Variants in NME8 observed in about 807,000 individuals in gnomAD.
The protein encoded by NME8 is protein NME8.
A neutral mutation model predicts 82.3 loss-of-function variants in NME8; 72 were observed. That is an observed-to-expected ratio of 0.87 (90% CI 0.72 to 1.06). NME8 has a LOEUF of 1.06. NME8 is among the 50% of genes least tolerant of loss of function. NME8 has a pLI of 0.00. For missense variants in NME8, 712 were observed against 685.4 expected, an observed-to-expected ratio of 1.04 and a Z score of -0.43; for synonymous variants, 267 against 228.5, an observed-to-expected ratio of 1.17 and a Z score of -1.52.
intron 12 of NME8, among the ~76,000 whole-genome samples, chr7:37,883,077 G>C (rs1405560050): frequency 6.6e-6 from 1 of 152,012 alleles, no homozygotes; most frequent in African/African-American, 2.4e-5. Flanking sequence ...GCAATCTCCA[G>C]GATTCTCAAG....
At chr7:37,871,378 A>G (rs1436107426) in intron 11 of NME8, among the ~76,000 whole-genome samples, 1 of 152,142 alleles carries the variant, frequency 6.6e-6, no homozygotes, top group Non-Finnish European at 1.5e-5. Flanking sequence ...TTTTTATTAC[A>G]TTATTTACAT....
At chr7:37,897,377 C>T (rs896524991) in intron 17 of NME8, among the ~76,000 whole-genome samples, 3 of 152,190 alleles carry the variant, frequency 2.0e-5, no homozygotes, top group African/African-American at 4.8e-5. Flanking sequence ...GGGCAAGCAA[C>T]GCACCCATTG....
In NME8 at chr7:37,888,313, C is replaced by T. The variant is rs1352134618; in HGVS notation, c.1284C>T (p.Val428=). ...CAQFAMDSLP[V]NQLYGSDSLE... is the part of the protein sequence containing the mutation. ...AGTTTGCGATGGACAGTTTGCCGGT[C>T]AACCAGTTGTATGGCAGCGATTCAT... is the stretch of plus-strand genomic sequence containing the variant. The change falls in exon 15 of 18, where the codon GTC becomes GTT. Residue 428 remains valine (V), a synonymous_variant. Coordinates refer to ENST00000199447, the MANE Select transcript of NME8 (RefSeq NM_016616.5). 6.2e-7 allele frequency: 1 copy of T among 1,613,526 alleles called. No homozygotes were observed. The highest frequency in any genetic ancestry group is 8.5e-7 in the Non-Finnish European group (1 of 1,179,722).
chr7:37,895,308 A>C (rs1227503448), intron 16 of NME8, among the ~76,000 whole-genome samples: 2 of 152,176 alleles, frequency 1.3e-5, no homozygotes, highest in Non-Finnish European at 2.9e-5. Flanking sequence ...ATTACAGGCT[A>C]ACATTTATTG....
At chr7:37,850,588 T>C in intron 4 of NME8, 41 bp from the exon 5 acceptor site, 5 of 1,538,036 alleles carry the variant, frequency 3.3e-6, no homozygotes, top group Non-Finnish European at 4.5e-6. Flanking sequence ...CTATCCTAGA[T>C]TGGTAGACTT....
intron 11 of NME8, among the ~76,000 whole-genome samples, chr7:37,873,683 T>C (rs1784805915): frequency 6.6e-6 from 1 of 152,198 alleles, no homozygotes; most frequent in South Asian, 2.1e-4. Context: ...ATTGCAATAA[T>C]GCCAATAGCT....
chr7:37,889,242 C>A (rs1286972787), intron 15 of NME8, among the ~76,000 whole-genome samples: 1 of 151,520 alleles, frequency 6.6e-6, no homozygotes, highest in Non-Finnish European at 1.5e-5. Context: ...ATTATATTTC[C>A]TCCATTTCAG....
chr7:37,889,664 T>A (rs947532657), intron 15 of NME8, among the ~76,000 whole-genome samples: 3 of 151,678 alleles, frequency 2.0e-5, no homozygotes, highest in African/African-American at 7.2e-5. Flanking sequence ...AGAGATTTTT[T>A]AAAATTCTGG....
intron 5 of NME8, among the ~76,000 whole-genome samples, chr7:37,851,495 T>C (rs1051991862): frequency 4.7e-4 from 69 of 146,394 alleles, no homozygotes; most frequent in African/African-American, 1.7e-3. Context: ...ACATTTAGCA[T>C]ATGAATTAAG....
intron 12 of NME8, among the ~76,000 whole-genome samples, chr7:37,877,240 T>C (rs1784869486): frequency 1.3e-5 from 2 of 152,198 alleles, no homozygotes; most frequent in Non-Finnish European, 2.9e-5. Context: ...GATTTTAACA[T>C]TGCAGGAATT....
intron 5 of NME8, among the ~76,000 whole-genome samples, chr7:37,855,018 G>A (rs977766060): frequency 1.3e-5 from 2 of 152,086 alleles, no homozygotes; most frequent in Non-Finnish European, 2.9e-5. Flanking sequence ...TTCTATCAGG[G>A]TTCTCTTCCA....
intron 15 of NME8, among the ~76,000 whole-genome samples, chr7:37,889,026 T>C (rs2131971082): frequency 6.6e-6 from 1 of 152,126 alleles, no homozygotes; most frequent in South Asian, 2.1e-4. Flanking sequence ...GATTGGTATT[T>C]GGAGGTTTGG....
chr7:37,865,223 A>G (rs2131949989), intron 9 of NME8, among the ~76,000 whole-genome samples: 1 of 152,334 alleles, frequency 6.6e-6, no homozygotes, highest in South Asian at 2.1e-4. Flanking sequence ...AAAGCAAGTT[A>G]GTTACTTCCT....
intron 11 of NME8, among the ~76,000 whole-genome samples, chr7:37,868,591 A>AGAACACTAGAAAGGGAGGCCTT (rs1784726178): frequency 6.6e-6 from 1 of 152,082 alleles, no homozygotes. Context: ...GTTTATGTCA[A>AGAACACTAGAAAGGGAGGCCTT]GAACACTAGA....
intron 15 of NME8, among the ~76,000 whole-genome samples, chr7:37,889,490 T>C (rs995402083): frequency 6.6e-6 from 1 of 151,880 alleles, no homozygotes; most frequent in South Asian, 2.1e-4. Flanking sequence ...TTTAAGGTTA[T>C]ACATTTTCCT....
At chr7:37,862,994 C>T (rs1784620257) in intron 7 of NME8, among the ~76,000 whole-genome samples, 1 of 151,996 alleles carries the variant, frequency 6.6e-6, no homozygotes, top group African/African-American at 2.4e-5. Flanking sequence ...GTGGCAGGTG[C>T]CTGTAATCCC....
chr7:37,864,767 G>A (rs1338010595), intron 9 of NME8, among the ~76,000 whole-genome samples: 1 of 152,186 alleles, frequency 6.6e-6, no homozygotes, highest in Non-Finnish European at 1.5e-5. Context: ...GTTCCACATG[G>A]CTGGGGAGGC....
intron 2 of NME8, among the ~76,000 whole-genome samples, chr7:37,849,798 G>C (rs1409711109): frequency 6.6e-6 from 1 of 150,408 alleles, no homozygotes; most frequent in Admixed American, 6.6e-5. Flanking sequence ...TTGAACCCAG[G>C]AGACGGAGGT....
intron 17 of NME8, among the ~76,000 whole-genome samples, chr7:37,897,608 A>G (rs1035272055): frequency 5.9e-5 from 9 of 152,144 alleles, no homozygotes; most frequent in Non-Finnish European, 1.0e-4. Flanking sequence ...GCATAGGTAT[A>G]TGTGTGCCAT....
Sources: gnomAD v4.1 joint callset for allele counts (sites outside exome capture counted in the v4.1 genomes callset) on GRCh38, gnomAD v4.1.1 for gene constraint, MANE v1.5 for transcripts, NCBI Gene and HGNC (gene_info 2026-07-23, HGNC 2026-07-21) for gene names.